The following CTNNA3 variants were observed in gnomAD, a reference collection of about 807,000 sequenced individuals.
The protein encoded by CTNNA3 is catenin alpha 3, also known as catenin alpha-3.
Under a neutral mutation model 95.7 loss-of-function variants are expected in CTNNA3, and 76 were observed. That is an observed-to-expected ratio of 0.79 (90% confidence interval 0.66 to 0.96). CTNNA3 has a LOEUF of 0.96. CTNNA3 is among the 40% of genes least tolerant of loss of function. The probability of loss-of-function intolerance (pLI) is 0.00; values close to 1 mark genes in which losing one functional copy is unlikely to be tolerated. For missense variants in CTNNA3, 1,191 were observed against 1,089.8 expected, an observed-to-expected ratio of 1.09 and a Z score of -1.31; for synonymous variants, 431 against 374.4, an observed-to-expected ratio of 1.15 and a Z score of -1.74.
At chr10:66,716,533 G>A (rs759020822) in intron 9 of CTNNA3, among the ~76,000 whole-genome samples, 3 of 152,102 alleles carry the variant, frequency 2.0e-5, no homozygotes, top group African/African-American at 2.4e-5. Flanking sequence ...CCGGTAGCCC[G>A]AGTAATATTA....
chr10:66,337,975 G>A (rs891353564), intron 12 of CTNNA3, among the ~76,000 whole-genome samples: 1 of 151,908 alleles, frequency 6.6e-6, no homozygotes, highest in Non-Finnish European at 1.5e-5. Flanking sequence ...TAAAGTATAT[G>A]TTCATGTAAA....
chr10:66,376,282 C>T (rs61867337), intron 12 of CTNNA3, among the ~76,000 whole-genome samples: 14,599 of 152,160 alleles, frequency 0.096, 928 homozygotes, highest in Middle Eastern at 0.18. Context: ...TCTATATTCT[C>T]TATTAAGAAT....
At chr10:66,118,668 C>T (rs1211054493) in intron 13 of CTNNA3, among the ~76,000 whole-genome samples, 3 of 152,144 alleles carry the variant, frequency 2.0e-5, no homozygotes, top group East Asian at 1.9e-4. Context: ...ATCTCATCCA[C>T]TATGCAGAAA....
intron 11 of CTNNA3, among the ~76,000 whole-genome samples, chr10:66,432,912 T>C (rs2093308935): frequency 6.6e-6 from 1 of 152,108 alleles, no homozygotes; most frequent in African/African-American, 2.4e-5. Flanking sequence ...GGTTTTCTGT[T>C]CCTTTGTTAG....
intron 1 of CTNNA3, among the ~76,000 whole-genome samples, chr10:67,746,853 T>C (rs992729471): frequency 3.3e-5 from 5 of 152,136 alleles, no homozygotes; most frequent in African/African-American, 1.2e-4. Context: ...CTAAAATGAC[T>C]AAACTCTGGG....
At chr10:65,994,608 A>T (rs2078613841) in intron 15 of CTNNA3, among the ~76,000 whole-genome samples, 1 of 152,134 alleles carries the variant, frequency 6.6e-6, no homozygotes, top group Non-Finnish European at 1.5e-5. Context: ...ACTTTCAACA[A>T]TTTGACTATA....
intron 7 of CTNNA3, among the ~76,000 whole-genome samples, chr10:67,134,309 G>A (rs540309377): frequency 6.6e-6 from 1 of 152,210 alleles, no homozygotes; most frequent in East Asian, 1.9e-4. Context: ...CATAATCATT[G>A]AAAAATGTAG....
At chr10:66,381,925 A>T (rs1054651667) in intron 11 of CTNNA3, among the ~76,000 whole-genome samples, 4 of 152,184 alleles carry the variant, frequency 2.6e-5, no homozygotes, top group African/African-American at 9.7e-5. Context: ...ACAGATGTAC[A>T]CTTTAATGAC....
intron 5 of CTNNA3, among the ~76,000 whole-genome samples, chr10:67,225,385 C>CA (rs535512971): frequency 6.6e-5 from 10 of 152,306 alleles, no homozygotes; most frequent in African/African-American, 2.2e-4. Flanking sequence ...ATGCTCTCTA[C>CA]AAAACCCCAT....
At chr10:67,615,132 C>T (rs1330347036) in intron 2 of CTNNA3, among the ~76,000 whole-genome samples, 2 of 152,238 alleles carry the variant, frequency 1.3e-5, no homozygotes, top group South Asian at 4.2e-4. Context: ...CAATCTTTAC[C>T]ACAAGTGATA....
intron 1 of CTNNA3, among the ~76,000 whole-genome samples, chr10:67,647,832 A>T (rs1163468771): frequency 3.9e-5 from 6 of 152,206 alleles, no homozygotes; most frequent in Non-Finnish European, 8.8e-5. Flanking sequence ...CAGAAAGGTA[A>T]GACACATCTT....
intron 7 of CTNNA3, among the ~76,000 whole-genome samples, chr10:66,886,390 T>C (rs181751591): frequency 2.0e-5 from 3 of 152,254 alleles, no homozygotes; most frequent in African/African-American, 7.2e-5. Flanking sequence ...TTCAGGTATC[T>C]TCACTCTGTC....
At chr10:67,042,408 T>TGGGAAATAGCA (rs1161060086) in intron 7 of CTNNA3, among the ~76,000 whole-genome samples, 1 of 152,132 alleles carries the variant, frequency 6.6e-6, no homozygotes, top group African/African-American at 2.4e-5. Context: ...ATTATATCAT[T>TGGGAAATAGCA]GGGAAATAAC....
chr10:66,783,421 T>C (rs1013054550), intron 7 of CTNNA3, among the ~76,000 whole-genome samples: 1 of 152,156 alleles, frequency 6.6e-6, no homozygotes, highest in African/African-American at 2.4e-5. Flanking sequence ...ATATTTTAAT[T>C]CCAAAACTTT....
intron 7 of CTNNA3, among the ~76,000 whole-genome samples, chr10:66,895,974 G>A (rs574155992): frequency 1.3e-5 from 2 of 151,210 alleles, no homozygotes; most frequent in East Asian, 3.9e-4. Context: ...GCACATGCCT[G>A]TAATCCAAGC....
At chr10:66,640,637 A>G (rs1465000768) in intron 9 of CTNNA3, among the ~76,000 whole-genome samples, 1 of 152,170 alleles carries the variant, frequency 6.6e-6, no homozygotes, top group Admixed American at 6.6e-5. Context: ...TAAGAAAATC[A>G]TAATACCCAG....
At chr10:67,107,868 G>C (rs1858733283) in intron 7 of CTNNA3, among the ~76,000 whole-genome samples, 1 of 152,158 alleles carries the variant, frequency 6.6e-6, no homozygotes, top group East Asian at 1.9e-4. Context: ...CTCTTCCTGT[G>C]TGGAACTTGG....
At chr10:66,169,014 T>A (rs2085282167) in intron 13 of CTNNA3, among the ~76,000 whole-genome samples, 2 of 152,194 alleles carry the variant, frequency 1.3e-5, no homozygotes, top group Admixed American at 1.3e-4. Context: ...CTTTCTTAAG[T>A]TGCTCCAGGC....
At chr10:66,980,938 C>A (rs1416706464) in intron 7 of CTNNA3, among the ~76,000 whole-genome samples, 2 of 152,152 alleles carry the variant, frequency 1.3e-5, no homozygotes, top group Non-Finnish European at 2.9e-5. Context: ...CAGAGTTTCA[C>A]TCTTGTTGCC....
Sources: gnomAD v4.1 joint callset for allele counts (sites outside exome capture counted in the v4.1 genomes callset) on GRCh38, gnomAD v4.1.1 for gene constraint, MANE v1.5 for transcripts, NCBI Gene and HGNC (gene_info 2026-07-23, HGNC 2026-07-21) for gene names.